MBOAT1: variants seen among roughly 807,000 people sequenced by gnomAD.
MBOAT1 encodes membrane-bound glycerophospholipid O-acyltransferase 1.
In MBOAT1, 67 loss-of-function variants were observed where a neutral mutation model predicts 64.4. The ratio of observed to expected loss-of-function variants is 1.04; its 90% CI spans 0.85 to 1.27. MBOAT1 has a LOEUF of 1.27. MBOAT1 is among the 50% of genes most tolerant of loss of function. The pLI, the probability that MBOAT1 is intolerant of heterozygous loss-of-function variation, is 0.00. For missense variants in MBOAT1, 563 were observed against 604.6 expected, an observed-to-expected ratio of 0.93 and a Z score of 0.72; for synonymous variants, 229 against 218.9, an observed-to-expected ratio of 1.05 and a Z score of -0.41.
chr6:20,209,435 T>A (rs1199080025), intron 1 of MBOAT1, among the ~76,000 whole-genome samples: 1 of 151,996 alleles, frequency 6.6e-6, no homozygotes, highest in Non-Finnish European at 1.5e-5. Flanking sequence ...AACAGATAAA[T>A]GGAAGAATCA....
At chr6:20,187,640 A>C (rs1460076943) in intron 1 of MBOAT1, among the ~76,000 whole-genome samples, 1 of 152,264 alleles carries the variant, frequency 6.6e-6, no homozygotes, top group Non-Finnish European at 1.5e-5. Flanking sequence ...ACTAAGTGGT[A>C]GACCCTGGAT....
At chr6:20,114,584 T>G (rs1460361513) in intron 10 of MBOAT1, among the ~76,000 whole-genome samples, 1 of 151,740 alleles carries the variant, frequency 6.6e-6, no homozygotes, top group Admixed American at 6.6e-5. Context: ...AGCAGAGAGG[T>G]CAAGAATCTA....
At position 20,112,942 on chromosome 6, in the gene MBOAT1, A is replaced by T. The variant is rs201403519; in HGVS notation, c.1143T>A (p.His381Gln). 1 of 1,614,192 alleles carries T rather than the reference A, an allele frequency of 6.2e-7. No homozygotes were observed. Residue 381 changes from histidine (H) to glutamine (Q), a missense_variant, in exon 11 of 13, where the codon CAT (histidine) becomes CAA (glutamine). Coordinates refer to ENST00000324607, the MANE Select transcript of MBOAT1 (RefSeq NM_001080480.3). ...TAAAATAGTATCCAGGGTAGACACC[A>T]TGCCACAAAGCAGACAGGATGAAGG... ...VLTFILSALW[H>Q]GVYPGYYFTF...
intron 1 of MBOAT1, among the ~76,000 whole-genome samples, chr6:20,186,178 C>T (rs1425299966): frequency 6.6e-6 from 1 of 152,124 alleles, no homozygotes; most frequent in Non-Finnish European, 1.5e-5. Context: ...GAGACTGTAT[C>T]AATCAATCAA....
At chr6:20,160,487 CAG>C (rs1376038294) in intron 1 of MBOAT1, among the ~76,000 whole-genome samples, 2 of 152,168 alleles carry the variant, frequency 1.3e-5, no homozygotes, top group South Asian at 2.1e-4. Flanking sequence ...AAAAAATTAA[CAG>C]AGTGAAGAGA....
intron 11 of MBOAT1, among the ~76,000 whole-genome samples, chr6:20,111,775 T>C (rs1184860536): frequency 7.4e-6 from 1 of 135,266 alleles, no homozygotes; most frequent in Non-Finnish European, 1.6e-5. Context: ...AAAAGTATCC[T>C]AGCCAGCATG....
chr6:20,111,871 T>TATATACATATATATATATATAC (rs1760175567), intron 11 of MBOAT1, among the ~76,000 whole-genome samples: 1 of 137,394 alleles, frequency 7.3e-6, no homozygotes, highest in African/African-American at 2.9e-5. Flanking sequence ...TATATATACA[T>TATATACATATATATATATATAC]ATATATATGT....
chr6:20,159,109 C>T (rs1761775349), intron 1 of MBOAT1, among the ~76,000 whole-genome samples: 2 of 152,132 alleles, frequency 1.3e-5, no homozygotes, highest in Admixed American at 6.5e-5. Context: ...GTTGAAGAAA[C>T]ATCTGCACTC....
At chr6:20,118,296 C>T (rs1355475652) in intron 9 of MBOAT1, 141 bp downstream of exon 9, 2 of 662,716 alleles carry the variant, frequency 3.0e-6, no homozygotes, top group African/African-American at 1.9e-5. Context: ...TGCAAAATGT[C>T]CAGTAGGCTG....
intron 1 of MBOAT1, among the ~76,000 whole-genome samples, chr6:20,180,939 AC>A (rs1384599942): frequency 1.3e-5 from 2 of 152,230 alleles, no homozygotes; most frequent in Non-Finnish European, 2.9e-5. Flanking sequence ...AAGTGAAATG[AC>A]CAGGAACCAG....
intron 1 of MBOAT1, among the ~76,000 whole-genome samples, chr6:20,187,808 A>C (rs989514776): frequency 2.0e-5 from 3 of 152,228 alleles, no homozygotes. Flanking sequence ...CCTGGGCAAC[A>C]GGGTGAAACC....
At chr6:20,186,465 G>A (rs1250862618) in intron 1 of MBOAT1, among the ~76,000 whole-genome samples, 3 of 152,180 alleles carry the variant, frequency 2.0e-5, no homozygotes, top group Non-Finnish European at 2.9e-5. Flanking sequence ...ATCAAAACCA[G>A]AAAGAGAAAT....
intron 11 of MBOAT1, among the ~76,000 whole-genome samples, chr6:20,111,885 T>TACATATATATACATATATATATAC (rs1554115587): frequency 1.4e-5 from 2 of 140,996 alleles, no homozygotes; most frequent in Non-Finnish European, 3.0e-5. Context: ...TATATGTATA[T>TACATATATATACATATATATATAC]ATATATATTC....
chr6:20,174,788 A>G (rs1317423269), intron 1 of MBOAT1, among the ~76,000 whole-genome samples: 1 of 152,084 alleles, frequency 6.6e-6, no homozygotes, highest in Admixed American at 6.5e-5. Flanking sequence ...ATGACTGTAT[A>G]TGAAAACAGT....
intron 3 of MBOAT1, among the ~76,000 whole-genome samples, chr6:20,146,228 A>T (rs933802224): frequency 6.6e-6 from 1 of 152,174 alleles, no homozygotes; most frequent in Admixed American, 6.5e-5. Flanking sequence ...TATTGAAATC[A>T]CATATTCACA....
chr6:20,171,255 G>C (rs939187572), intron 1 of MBOAT1, among the ~76,000 whole-genome samples: 1 of 152,032 alleles, frequency 6.6e-6, no homozygotes, highest in Non-Finnish European at 1.5e-5. Context: ...AAGTTATTTA[G>C]GCTGGGTGCA....
At chr6:20,111,468 C>T in intron 11 of MBOAT1, among the ~76,000 whole-genome samples, 1 of 152,136 alleles carries the variant, frequency 6.6e-6, no homozygotes, top group Non-Finnish European at 1.5e-5. Context: ...TCTATCAACT[C>T]TCTCCTCTCT....
chr6:20,162,107 CACT>C (rs1761883077), intron 1 of MBOAT1, among the ~76,000 whole-genome samples: 1 of 152,094 alleles, frequency 6.6e-6, no homozygotes, highest in South Asian at 2.1e-4. Flanking sequence ...TGACTTTCTT[CACT>C]ACTAAGTTAT....
intron 4 of MBOAT1, among the ~76,000 whole-genome samples, chr6:20,136,762 A>C (rs1419312131): frequency 6.6e-6 from 1 of 152,242 alleles, no homozygotes; most frequent in Non-Finnish European, 1.5e-5. Flanking sequence ...ATGCAAATAT[A>C]TTTAAATAAA....
Sources: allele counts gnomAD v4.1 joint callset (sites outside exome capture counted in the v4.1 genomes callset), GRCh38; gene constraint gnomAD v4.1.1; transcripts MANE v1.5; gene names NCBI Gene and HGNC (gene_info 2026-07-23, HGNC 2026-07-21).